The following CNKSR1 variants were observed in gnomAD, a reference collection of about 807,000 sequenced individuals.
CNKSR1 encodes CNK homolog protein 1.
In CNKSR1, 88 loss-of-function variants were observed where a neutral mutation model predicts 95.6. The observed-to-expected ratio is 0.92, with a 90% CI of 0.78 to 1.10. CNKSR1 has a LOEUF of 1.10. CNKSR1 is among the 50% of genes least tolerant of loss of function. The probability of loss-of-function intolerance (pLI) is 0.00; values close to 1 mark genes in which losing one functional copy is unlikely to be tolerated. For synonymous variants in CNKSR1, 355 were observed against 369.7 expected (o/e 0.96, Z 0.46); for missense variants, 836 against 912.0 (o/e 0.92, Z 1.07).
At chr1:26,185,481 C>T (rs2088732891) in intron 14 of CNKSR1, among the ~76,000 whole-genome samples, 1 of 151,478 alleles carries the variant, frequency 6.6e-6, no homozygotes, top group African/African-American at 2.4e-5. Context: ...CAAGCTCTAC[C>T]TTCCGGGTTC....
rs116461149 is a variant in CNKSR1, at chr1:26,188,678, C to T, written c.1671C>T (p.Thr557=). 5,131 of 1,613,840 alleles carry T rather than the reference C, an allele frequency of 3.2e-3. 110 individuals carry two copies. In the African/African-American group the frequency reaches 0.054, roughly 17 times the overall value. The part of the protein sequence containing the change: ...AATPTQRSPR[T]SFGSLTDSSE... ...CCCCCACACAGCGCAGCCCACGGAC[C>T]TCCTTTGGCTCTCTGACAGGTGCTG... Residue 557 remains threonine, a synonymous_variant, in exon 19 of 21, where the codon ACC becomes ACT. Coordinates refer to ENST00000361530, the MANE Select transcript of CNKSR1 (RefSeq NM_006314.3).
In CNKSR1 at chr1:26,180,357, T is replaced by C. The variant is rs1485861454; in HGVS notation, c.53-96T>C. The C allele has an allele frequency of 4.8e-6, 7 of 1,465,564 alleles. No individual in the cohort carries two copies. In the Middle Eastern group the frequency reaches 7.2e-4, roughly 150 times the overall value. 90.8% of individuals were successfully genotyped at this position (1,465,564 alleles called of 1,614,324 possible). On this transcript the variant is annotated intron_variant, in intron 1 of 20. Coordinates refer to ENST00000361530, the MANE Select transcript of CNKSR1 (RefSeq NM_006314.3). ...TGGGTGTCAGAGTTGTCATTAGGGT[T>C]AGACTAGAGGGAAAAGAGCTTTGCA...
At chr1:26,189,074 G>T in intron 20 of CNKSR1, 121 bp downstream of exon 20, 1 of 1,338,236 alleles carries the variant, frequency 7.5e-7, no homozygotes, top group South Asian at 1.2e-5. Flanking sequence ...TCCGGACCCT[G>T]GGCTTAGCAG....
intron 20 of CNKSR1, 46 bp downstream of exon 20, chr1:26,188,999 T>C (rs756616994): frequency 6.2e-7 from 1 of 1,603,384 alleles, no homozygotes; most frequent in East Asian, 2.2e-5. Flanking sequence ...GGCTCTGGGC[T>C]TCAGGCTTTG....
At chr1:26,184,018 C>T in intron 9 of CNKSR1, 53 bp from the exon 10 acceptor site, 1 of 1,409,368 alleles carries the variant, frequency 7.1e-7, no homozygotes, top group Non-Finnish European at 1.0e-6. Context: ...TGTTGCCCCC[C>T]AACCTGCTTT....
In CNKSR1 at chr1:26,180,622, C is replaced by G; in HGVS notation, c.210+12C>G. On this transcript the variant is annotated intron_variant, in intron 2 of 20. Transcript: ENST00000361530. ...AGCTCCAGGCCCTGGTGAGTGAATGCTGGTCACACTGGCTGCAGCTTCCAC... is the reference window on the plus strand; with the variant it reads ...AGCTCCAGGCCCTGGTGAGTGAATGGTGGTCACACTGGCTGCAGCTTCCAC... 1.9e-6 allele frequency: 3 copies of G among 1,614,164 alleles called. No homozygotes were observed. Among genetic ancestry groups the G allele is most frequent in the Non-Finnish European group, 2.5e-6 (3 of 1,180,014 alleles).
chr1:26,177,655 C>T (rs918701227), intron 1 of CNKSR1, 56 bp downstream of exon 1: 22 of 1,592,058 alleles, frequency 1.4e-5, no homozygotes, highest in Middle Eastern at 1.7e-4. Flanking sequence ...GGTGTCCCAC[C>T]GGGAAGCGGG....
chr1:26,182,239 A>G (rs2088658920), intron 4 of CNKSR1, 122 bp from the exon 5 acceptor site: 2 of 1,015,906 alleles, frequency 2.0e-6, no homozygotes, highest in East Asian at 2.4e-5. Context: ...GGTTCTGGGC[A>G]GGGGGCCAGT....
chr1:26,184,367 T>C (rs1403634437), intron 11 of CNKSR1, 34 bp from the exon 12 acceptor site: 3 of 1,607,682 alleles, frequency 1.9e-6, no homozygotes, highest in Admixed American at 1.7e-5. Context: ...ACTGGGCTCA[T>C]AGACTTTCCC....
chr1:26,183,194 C>T lies in CNKSR1; in HGVS notation c.625-3C>T. 1 of 1,614,082 alleles carries T rather than the reference C, an allele frequency of 6.2e-7. No homozygotes were observed. ...CCGGTGACTATAGCCTCTGCCTCTG[C>T]AGGGCCTAGAAATTCACACCACCAG... On this transcript the variant is annotated splice_polypyrimidine_tract_variant and splice_region_variant and intron_variant, in intron 6 of 20. Coordinates refer to ENST00000361530, the MANE Select transcript of CNKSR1 (RefSeq NM_006314.3).
chr1:26,182,348 A>C lies in CNKSR1; in HGVS notation c.478-13A>C. On this transcript the variant is annotated splice_polypyrimidine_tract_variant and intron_variant, in intron 4 of 20. Transcript: ENST00000361530. ...GCTCAGGGGAGGCCCCTGCTCTCTC[A>C]TTCTACTTCCAGGATGGTCCAGCGG... The C allele has an allele frequency of 6.2e-7, 1 of 1,613,950 alleles. No individual in the cohort carries two copies. The highest frequency in any genetic ancestry group is 8.5e-7 in the Non-Finnish European group (1 of 1,179,950).
chr1:26,187,010 T>C lies in CNKSR1; in HGVS notation c.1309-158T>C, dbSNP rs539993966. 3.1e-5 allele frequency: 21 copies of C among 681,794 alleles called. 1 individual carries two copies. Among genetic ancestry groups the C allele is most frequent in the Middle Eastern group, 3.9e-4 (1 of 2,578 alleles). The allele number at this position is 681,794 out of a possible 1,614,324, so 42.2% of individuals were successfully genotyped here. ...CACATCTCCTACCCTGACCCCAGAT[T>C]CCAGCCCTGAGCTCCAGAAACAGAG... On this transcript the variant is annotated intron_variant, in intron 14 of 20. Transcript: ENST00000361530.
chr1:26,179,268 G>T (rs1287070130), intron 1 of CNKSR1, among the ~76,000 whole-genome samples: 2 of 152,212 alleles, frequency 1.3e-5, no homozygotes, highest in Non-Finnish European at 2.9e-5. Context: ...AAGTGCAGGG[G>T]TTTGTGGAGG....
chr1:26,183,829 A>G lies in CNKSR1; in HGVS notation c.854A>G (p.Gln285Arg), dbSNP rs770763799. 5.6e-5 allele frequency: 71 copies of G among 1,262,986 alleles called. No individual in the cohort carries two copies. Among genetic ancestry groups the G allele is most frequent in the Non-Finnish European group, 2.6e-5 (25 of 950,492 alleles). 78.2% of individuals were successfully genotyped at this position (1,262,986 alleles called of 1,614,324 possible). The part of the protein sequence containing the change: ...KKIPIPETPP[Q>R]TPPQVLDSPH... Reference sequence around the variant, plus strand: ...ATCCCGATACCGGAGACCCCCCCACAGGTACCTTCCCCTGCCGCCCCCCGA... The same window carrying G: ...ATCCCGATACCGGAGACCCCCCCACGGGTACCTTCCCCTGCCGCCCCCCGA... The change falls in exon 9 of 21, where the codon CAG becomes CGG. Residue 285 changes from glutamine to arginine, a missense_variant and splice_region_variant. Physicochemically the swap from Gln to Arg is conservative, Grantham distance 43 (BLOSUM62 1). Coordinates refer to ENST00000361530, the MANE Select transcript of CNKSR1 (RefSeq NM_006314.3).
intron 20 of CNKSR1, 134 bp from the exon 21 acceptor site, chr1:26,189,145 C>A: frequency 7.7e-7 from 1 of 1,306,510 alleles, no homozygotes; most frequent in Non-Finnish European, 1.1e-6. Flanking sequence ...GGATTTGAGT[C>A]TCACCTAGGC....
intron 3 of CNKSR1, chr1:26,181,569 C>T: frequency 2.7e-6 from 1 of 375,192 alleles, no homozygotes; most frequent in Non-Finnish European, 5.0e-6. Context: ...ACTCATTATC[C>T]AATGTTTCAT....
At chr1:26,188,033 T>TGA (rs1362458016) in intron 16 of CNKSR1, among the ~76,000 whole-genome samples, 6 of 151,844 alleles carry the variant, frequency 4.0e-5, no homozygotes, top group African/African-American at 1.5e-4. Flanking sequence ...AGTGCTGGGG[T>TGA]GACAGACGCG....
At chr1:26,184,533 G>A in intron 12 of CNKSR1, 26 bp downstream of exon 12, 1 of 1,607,406 alleles carries the variant, frequency 6.2e-7, no homozygotes, top group Non-Finnish European at 8.5e-7. Context: ...TAGCAAGGGG[G>A]TGGGTGGGTC....
At chr1:26,186,943 T>A in intron 14 of CNKSR1, 1 of 512,624 alleles carries the variant, frequency 2.0e-6, no homozygotes, top group Non-Finnish European at 3.5e-6. Flanking sequence ...GTTTCTCTGA[T>A]ATCTTTGGCT....
Sources: gnomAD v4.1 joint callset for allele counts (sites outside exome capture counted in the v4.1 genomes callset) on GRCh38, gnomAD v4.1.1 for gene constraint, MANE v1.5 for transcripts, NCBI Gene and HGNC (gene_info 2026-07-23, HGNC 2026-07-21) for gene names.